RAB3C: variants seen among roughly 807,000 people sequenced by gnomAD.
The protein encoded by RAB3C is ras-related protein Rab-3C.
Under a neutral mutation model 26.4 loss-of-function variants are expected in RAB3C, and 17 were observed. The ratio of observed to expected loss-of-function variants is 0.64; its 90% CI spans 0.44 to 0.97. The LOEUF (loss-of-function observed/expected upper bound fraction) is 0.97, where lower values mean the gene tolerates loss of function less well. Among genes scored for constraint, RAB3C ranks in the 50% least tolerant of loss-of-function variants. The pLI is 0.00. For synonymous variants in RAB3C, 91 were observed against 95.9 expected (o/e 0.95, Z 0.30); for missense variants, 242 against 281.9 (o/e 0.86, Z 1.01).
At position 58,676,511 on chromosome 5, in the gene RAB3C, A is replaced by T. The variant is rs890498854; in HGVS notation, c.253-49491A>T. On this transcript the variant is annotated intron_variant, in intron 2 of 4. Transcript: ENST00000282878. ...GAGCAAGACTCTGTTGCCAAAAAAA[A>T]TAATAAAAAAGAACCTATTGCCACC... 7.2e-5 allele frequency among the ~76,000 whole-genome samples: 11 copies of T among 152,244 alleles called. No homozygotes were observed. The South Asian group carries it at 1.9e-3, about 26-fold the overall frequency.
intron 2 of RAB3C, among the ~76,000 whole-genome samples, chr5:58,677,224 A>G (rs1748247999): frequency 6.6e-6 from 1 of 152,216 alleles, no homozygotes; most frequent in Non-Finnish European, 1.5e-5. Flanking sequence ...TAGATATAAC[A>G]TCATTCTAAC....
intron 1 of RAB3C, among the ~76,000 whole-genome samples, chr5:58,603,414 A>G (rs933023114): frequency 1.3e-5 from 2 of 152,090 alleles, no homozygotes; most frequent in Non-Finnish European, 2.9e-5. Flanking sequence ...ATGTTTTCCA[A>G]GCTTTTAGAA....
intron 3 of RAB3C, among the ~76,000 whole-genome samples, chr5:58,789,941 A>G (rs974909129): frequency 6.6e-6 from 1 of 152,190 alleles, no homozygotes; most frequent in East Asian, 1.9e-4. Context: ...GTTACGTCTA[A>G]TCTCCACTCC....
chr5:58,839,349 TTTTATTTA>T (rs59909509), intron 4 of RAB3C, among the ~76,000 whole-genome samples: 8 of 98,784 alleles, frequency 8.1e-5, no homozygotes, highest in African/African-American at 2.3e-4. Flanking sequence ...TAAGTTTTTA[TTTTATTTA>T]TTTATTTATT....
At chr5:58,643,772 T>C (rs1876688) in intron 2 of RAB3C, among the ~76,000 whole-genome samples, 13,198 of 152,266 alleles carry the variant, frequency 0.087, 652 homozygotes, top group East Asian at 0.19. Flanking sequence ...ACATCACTGA[T>C]TTTCATCTAT....
chr5:58,821,496 A>C (rs1393346995), intron 3 of RAB3C, among the ~76,000 whole-genome samples: 3 of 152,248 alleles, frequency 2.0e-5, no homozygotes, highest in Admixed American at 6.5e-5. Flanking sequence ...TTATGAATGC[A>C]TCATTTTTCA....
intron 3 of RAB3C, among the ~76,000 whole-genome samples, chr5:58,742,348 CT>C (rs974329633): frequency 2.0e-5 from 3 of 150,994 alleles, no homozygotes; most frequent in Non-Finnish European, 3.0e-5. Context: ...TCAAAATGTT[CT>C]TTTTTTATTA....
chr5:58,793,311 C>G (rs551060523), intron 3 of RAB3C, among the ~76,000 whole-genome samples: 2 of 152,258 alleles, frequency 1.3e-5, no homozygotes, highest in African/African-American at 4.8e-5. Context: ...GTAATCCCAG[C>G]ACTTTGGGGG....
chr5:58,713,234 A>G (rs895886093), intron 2 of RAB3C, among the ~76,000 whole-genome samples: 2 of 152,176 alleles, frequency 1.3e-5, no homozygotes, highest in Admixed American at 6.5e-5. Flanking sequence ...GCCAGATAAG[A>G]GTACAAAAGT....
intron 3 of RAB3C, among the ~76,000 whole-genome samples, chr5:58,811,708 C>T (rs1743095282): frequency 6.6e-6 from 1 of 151,982 alleles, no homozygotes; most frequent in Admixed American, 6.6e-5. Context: ...CACCCCCTTT[C>T]TCTCACTTTG....
At chr5:58,777,314 C>A (rs1742165784) in intron 3 of RAB3C, among the ~76,000 whole-genome samples, 1 of 152,136 alleles carries the variant, frequency 6.6e-6, no homozygotes, top group African/African-American at 2.4e-5. Context: ...CACCAAACTT[C>A]CTTCTTTCTT....
intron 1 of RAB3C, among the ~76,000 whole-genome samples, chr5:58,586,393 A>G (rs962885572): frequency 2.6e-5 from 4 of 152,094 alleles, no homozygotes; most frequent in Admixed American, 6.5e-5. Flanking sequence ...TTGGTGGTGT[A>G]AAGAATGAGA....
intron 2 of RAB3C, among the ~76,000 whole-genome samples, chr5:58,657,655 G>A (rs1747811288): frequency 6.6e-6 from 1 of 152,096 alleles, no homozygotes. Flanking sequence ...GACCATAATA[G>A]GCCTTATATA....
intron 3 of RAB3C, among the ~76,000 whole-genome samples, chr5:58,792,484 A>G (rs975625081): frequency 2.6e-5 from 4 of 152,202 alleles, no homozygotes; most frequent in African/African-American, 9.6e-5. Context: ...AAGTGGAAAC[A>G]AAAGAGAGGA....
chr5:58,659,396 C>A (rs1351170593), intron 2 of RAB3C, among the ~76,000 whole-genome samples: 1 of 152,188 alleles, frequency 6.6e-6, no homozygotes, highest in Non-Finnish European at 1.5e-5. Flanking sequence ...AAACTCTCAA[C>A]AGAGATTGGA....
At chr5:58,810,774 T>C (rs188391158) in intron 3 of RAB3C, among the ~76,000 whole-genome samples, 1 of 152,320 alleles carries the variant, frequency 6.6e-6, no homozygotes, top group African/African-American at 2.4e-5. Context: ...TTTTTGTATG[T>C]TTAGTAGAGA....
intron 3 of RAB3C, among the ~76,000 whole-genome samples, chr5:58,744,991 C>T (rs1410288044): frequency 2.0e-5 from 3 of 152,126 alleles, no homozygotes; most frequent in African/African-American, 7.2e-5. Context: ...CTAGGATTGC[C>T]TTTTTGGCCT....
At chr5:58,799,217 A>T (rs1348481640) in intron 3 of RAB3C, among the ~76,000 whole-genome samples, 1 of 152,226 alleles carries the variant, frequency 6.6e-6, no homozygotes, top group Non-Finnish European at 1.5e-5. Flanking sequence ...TCTGCAACTT[A>T]CTTTGAAATA....
rs57733643 is a variant in RAB3C, at chr5:58,851,738, T to TTGTG, written c.*412_*415dup. ...GTAGGAATGATGACCAAGGAATTGCTTGTGTGTGTGTGTGTGTGTGTGTGT... is the reference window on the plus strand; with the variant it reads ...GTAGGAATGATGACCAAGGAATTGCTTGTGTGTGTGTGTGTGTGTGTGTGTGTGT... On this transcript the variant is annotated 3_prime_UTR_variant, in exon 5 of 5. Transcript: ENST00000282878. 9,057 of 152,550 alleles carry TTGTG rather than the reference T, an allele frequency of 0.059. 329 individuals carry two copies. The highest frequency in any genetic ancestry group is 0.099 in the African/African-American group (4,002 of 40,614). 9.4% of individuals were successfully genotyped at this position (152,550 alleles called of 1,614,324 possible).
Sources: gnomAD v4.1 joint callset for allele counts (sites outside exome capture counted in the v4.1 genomes callset) on GRCh38, gnomAD v4.1.1 for gene constraint, MANE v1.5 for transcripts, NCBI Gene and HGNC (gene_info 2026-07-23, HGNC 2026-07-21) for gene names.